MRAP: variants seen among roughly 807,000 people sequenced by gnomAD.
The protein encoded by MRAP is melanocortin 2 receptor accessory protein.
MRAP carries 8 observed loss-of-function variants against 8.7 expected under a neutral mutation model. That is an observed-to-expected ratio of 0.92 (90% CI 0.54 to 1.66). MRAP has a LOEUF of 1.66. MRAP is among the 40% of genes most tolerant of loss of function. The pLI, the probability that MRAP is intolerant of heterozygous loss-of-function variation, is 0.00. For missense variants in MRAP, 237 were observed against 217.1 expected (o/e 1.09, Z -0.58); for synonymous variants, 95 against 95.5 (o/e 1.00, Z 0.03).
intron 2 of MRAP, among the ~76,000 whole-genome samples, chr21:32,310,654 C>CTT (rs34024378): frequency 6.9e-6 from 1 of 144,354 alleles, no homozygotes; most frequent in African/African-American, 2.5e-5. Context: ...TTTTTTTTTT[C>CTT]TTTTTTTTTT....
At chr21:32,300,120 C>T (rs1248273806) in intron 1 of MRAP, among the ~76,000 whole-genome samples, 1 of 152,198 alleles carries the variant, frequency 6.6e-6, no homozygotes, top group East Asian at 1.9e-4. Flanking sequence ...AAATGCAGGG[C>T]TGGGTGCAAT....
rs114530014 is a variant in MRAP, at chr21:32,311,866, C to T, written c.389C>T (p.Thr130Ile). 2.5e-3 allele frequency: 4,008 copies of T among 1,614,154 alleles called. 80 individuals are homozygous for T. In the African/African-American group the frequency reaches 0.047, roughly 19 times the overall value. Residue 130 changes from threonine (T) to isoleucine (I), a missense_variant, in exon 3 of 3, where the codon ACC becomes ATC. By Grantham distance (89) the Thr-to-Ile change is moderately conservative. Transcript: ENST00000303645. ...CCGCTACGACAGGAGAGCTCCTCCA[C>T]CTTGCCCCTCGGGGGTTTCCAGACC... Reference protein sequence around the residue: ...DQPLRQESSSTLPLGGFQTHP... With the variant: ...DQPLRQESSSILPLGGFQTHP...
chr21:32,304,290 G>C (rs2032351824), intron 1 of MRAP, among the ~76,000 whole-genome samples: 1 of 152,122 alleles, frequency 6.6e-6, no homozygotes, highest in Non-Finnish European at 1.5e-5. Flanking sequence ...GGGTGGGCAA[G>C]GAAGGCTAAG....
intron 1 of MRAP, among the ~76,000 whole-genome samples, chr21:32,302,452 T>C (rs2032315534): frequency 6.6e-6 from 1 of 152,238 alleles, no homozygotes; most frequent in Non-Finnish European, 1.5e-5. Context: ...TTCATTTGGA[T>C]TTTTAAGTTC....
intron 1 of MRAP, among the ~76,000 whole-genome samples, chr21:32,300,839 T>C (rs1476487339): frequency 1.3e-5 from 2 of 150,800 alleles, no homozygotes; most frequent in African/African-American, 2.4e-5. Flanking sequence ...GTCGGATATG[T>C]CATGCGCCCT....
chr21:32,304,448 G>A (rs1284040004), intron 1 of MRAP, among the ~76,000 whole-genome samples: 1 of 151,906 alleles, frequency 6.6e-6, no homozygotes, highest in African/African-American at 2.4e-5. Context: ...AACCCCATCT[G>A]TACTAGAAAT....
rs761576317 is a variant in MRAP, at chr21:32,299,078, G to GTT, written c.106+2_106+3insTT. 1 of 1,612,872 alleles carries GTT rather than the reference G, an allele frequency of 6.2e-7. No individual in the cohort carries two copies. Among genetic ancestry groups the GTT allele is most frequent in the Non-Finnish European group, 8.5e-7 (1 of 1,179,102 alleles). The stretch of plus-strand genomic sequence containing the variant: ...GAGAAGAAGCTGAAAGCCCACAAAC[G>GTT]TAAGTCTGAACTAGGGAAGCCGGTC... On this transcript the variant is annotated splice_donor_variant, in intron 1 of 2. Coordinates refer to ENST00000303645, the MANE Select transcript of MRAP (RefSeq NM_001379228.1). LOFTEE classifies it high-confidence loss of function.
intron 1 of MRAP, among the ~76,000 whole-genome samples, chr21:32,300,683 C>T (rs7279704): frequency 3.2e-4 from 39 of 120,024 alleles, no homozygotes; most frequent in African/African-American, 8.4e-4. Context: ...GGATGTGTCA[C>T]GCGTCCTATG....
rs1177743023 is a variant in MRAP at position 32,304,982 on chromosome 21, T to C, written c.107-1658T>C. On this transcript the variant is annotated intron_variant, in intron 1 of 2. Coordinates refer to ENST00000303645, the MANE Select transcript of MRAP (RefSeq NM_001379228.1). ...TTTTTGTTGTTTTTTTTTTTTTTTT[T>C]TTTTTTTTGAGACAGCATCTTGCTC... Among the ~76,000 whole-genome samples, 89 of 143,860 alleles carry C rather than the reference T, an allele frequency of 6.2e-4. 2 individuals are homozygous for C. In the East Asian group the frequency reaches 0.015, roughly 24 times the overall value. 94.4% of individuals were successfully genotyped at this position (143,860 alleles called of 152,430 possible). A position where few individuals can be genotyped will look rare whatever the true frequency, so the allele number is the denominator to read the frequency against.
chr21:32,304,846 C>T (rs1348910780), intron 1 of MRAP, among the ~76,000 whole-genome samples: 3 of 151,864 alleles, frequency 2.0e-5, no homozygotes, highest in African/African-American at 7.3e-5. Context: ...TCCCTGCCCC[C>T]GTGGAGTGTA....
At chr21:32,309,462 T>G (rs77918770) in intron 2 of MRAP, among the ~76,000 whole-genome samples, 1 of 147,466 alleles carries the variant, frequency 6.8e-6, no homozygotes, top group African/African-American at 2.6e-5. Context: ...TTTTTTTTTT[T>G]GTTTTTGAGA....
chr21:32,304,152 C>T (rs1265238140), intron 1 of MRAP, among the ~76,000 whole-genome samples: 5 of 152,108 alleles, frequency 3.3e-5, no homozygotes, highest in Non-Finnish European at 7.3e-5. Context: ...CATTAGTGTC[C>T]GCAGAAACCT....
chr21:32,307,558 C>A (rs1283121329), intron 2 of MRAP, among the ~76,000 whole-genome samples: 2 of 133,814 alleles, frequency 1.5e-5, no homozygotes, highest in African/African-American at 5.7e-5. Context: ...GTCTGGGCAA[C>A]AGAGTGAGAC....
At chr21:32,308,286 A>G (rs1476038166) in intron 2 of MRAP, among the ~76,000 whole-genome samples, 1 of 152,064 alleles carries the variant, frequency 6.6e-6, no homozygotes. Context: ...GCCAAGCAGG[A>G]GAATCGCTTG....
intron 1 of MRAP, among the ~76,000 whole-genome samples, chr21:32,299,992 A>G (rs979846890): frequency 2.0e-5 from 3 of 152,202 alleles, no homozygotes; most frequent in Non-Finnish European, 4.4e-5. Flanking sequence ...CAAAACAAAA[A>G]CAAAGCCTGG....
chr21:32,297,267 C>A (rs1293538906), upstream of MRAP, among the ~76,000 whole-genome samples: 1 of 152,160 alleles, frequency 6.6e-6, no homozygotes, highest in Non-Finnish European at 1.5e-5. Flanking sequence ...TAGAGGGTTG[C>A]AATGTTCACT....
At position 32,312,085 on chromosome 21, in the gene MRAP, T is replaced by A; in HGVS notation, c.*89T>A. ...TTCCTCGTTCTTCTTAGAGGCCATT[T>A]GCATGTAGCAGAAAGGGCACCTAGG... On this transcript the variant is annotated 3_prime_UTR_variant, in exon 3 of 3. Transcript: ENST00000303645. 6.3e-7 allele frequency: 1 copy of A among 1,596,622 alleles called. No individual in the cohort carries two copies. The highest frequency in any genetic ancestry group is 2.2e-5 in the East Asian group (1 of 44,762).
chr21:32,298,989 C>T lies in MRAP; in HGVS notation c.18C>T (p.Asn6=), dbSNP rs138040820. The change falls in exon 1 of 3, where the codon AAC becomes AAT. Residue 6 remains asparagine (N), a synonymous_variant. Transcript: ENST00000303645. MANGT[N]ASAPYYSYEY... ...CCACAGACATGGCCAACGGGACCAA[C>T]GCCTCTGCCCCATACTACAGCTATG... 69 of 1,613,886 alleles carry T rather than the reference C, an allele frequency of 4.3e-5. No individual in the cohort carries two copies. Among genetic ancestry groups the T allele is most frequent in the Non-Finnish European group, 5.7e-5 (67 of 1,179,862 alleles).
At chr21:32,293,376 GTTGTT>G (rs1345017012) in intron 2 of MRAP, among the ~76,000 whole-genome samples, 3 of 152,116 alleles carry the variant, frequency 2.0e-5, no homozygotes, top group Non-Finnish European at 4.4e-5. Flanking sequence ...CCAAATCTAT[GTTGTT>G]TTAAGTCACC....
Sources: gnomAD v4.1 joint callset for allele counts (sites outside exome capture counted in the v4.1 genomes callset) on GRCh38, gnomAD v4.1.1 for gene constraint, MANE v1.5 for transcripts, NCBI Gene and HGNC (gene_info 2026-07-23, HGNC 2026-07-21) for gene names.